NTF3: variants seen among roughly 807,000 people sequenced by gnomAD.
NTF3 encodes the protein neurotrophin-3.
NTF3 carries 8 observed loss-of-function variants against 26.3 expected under a neutral mutation model. That is an observed-to-expected ratio of 0.30 (90% CI 0.18 to 0.55). The LOEUF (loss-of-function observed/expected upper bound fraction) is 0.55, where lower values mean the gene tolerates loss of function less well. Among genes scored for constraint, NTF3 ranks in the 20% least tolerant of loss-of-function variants. The pLI is 0.93. For synonymous variants in NTF3, 154 were observed against 145.5 expected (o/e 1.06, Z -0.42); for missense variants, 276 against 352.9 (o/e 0.78, Z 1.75).
chr12:5,445,721 G>A lies in NTF3; in HGVS notation c.18+13379G>A, dbSNP rs114774983. Among the ~76,000 whole-genome samples the A allele has an allele frequency of 2.8e-3, 419 of 152,338 alleles. 1 individual carries two copies. Among genetic ancestry groups the A allele is most frequent in the African/African-American group, 9.6e-3 (401 of 41,574 alleles). ...CGAGGTGAATGCAATGTGCAGCCAC[G>A]TTGAGAACCACTAGCTGACACTGCT... On this transcript the variant is annotated intron_variant, in intron 1 of 1. Transcript: ENST00000423158.
chr12:5,484,755 C>T (rs886669137), intron 1 of NTF3, among the ~76,000 whole-genome samples: 17 of 152,068 alleles, frequency 1.1e-4, no homozygotes, highest in African/African-American at 3.6e-4. Context: ...GCGTTGCATG[C>T]GTGGGGGATT....
chr12:5,458,904 C>T (rs1940488284), intron 1 of NTF3, among the ~76,000 whole-genome samples: 1 of 152,182 alleles, frequency 6.6e-6, no homozygotes, highest in African/African-American at 2.4e-5. Context: ...CACTGACAGA[C>T]AACCTTGCTC....
chr12:5,473,507 C>T (rs1490292977), intron 1 of NTF3, among the ~76,000 whole-genome samples: 1 of 152,204 alleles, frequency 6.6e-6, no homozygotes, highest in Non-Finnish European at 1.5e-5. Context: ...CTTTTATTTG[C>T]AGGTTCTCCA....
At chr12:5,440,948 A>G (rs989059911) in intron 1 of NTF3, among the ~76,000 whole-genome samples, 8 of 152,266 alleles carry the variant, frequency 5.3e-5, no homozygotes, top group Non-Finnish European at 8.8e-5. Context: ...GTCATTGAAC[A>G]TACGGATGAG....
At chr12:5,487,057 C>A (rs1940875470) in intron 1 of NTF3, among the ~76,000 whole-genome samples, 1 of 152,180 alleles carries the variant, frequency 6.6e-6, no homozygotes, top group Non-Finnish European at 1.5e-5. Flanking sequence ...TCTGCAGATC[C>A]TTCCTAGTCC....
In NTF3 at chr12:5,437,099, A is replaced by G. The variant is rs577026359; in HGVS notation, c.18+4757A>G. ...GTGCCCAGTGCAGCAAGTTGGGTAC[A>G]GCCACTTTCCCCAGAGATGAAGATG... On this transcript the variant is annotated intron_variant, in intron 1 of 1. Coordinates refer to ENST00000423158, the MANE Select transcript of NTF3 (RefSeq NM_001102654.2). 9.8e-5 allele frequency among the ~76,000 whole-genome samples: 15 copies of G among 152,332 alleles called. No individual in the cohort carries two copies. The East Asian group carries it at 2.5e-3, about 25-fold the overall frequency.
At chr12:5,490,077 G>C (rs1940916190) in intron 1 of NTF3, among the ~76,000 whole-genome samples, 2 of 152,184 alleles carry the variant, frequency 1.3e-5, no homozygotes, top group South Asian at 4.1e-4. Flanking sequence ...AGTGTAGAAA[G>C]GGGGTTCACT....
upstream of NTF3, among the ~76,000 whole-genome samples, chr12:5,431,961 C>CGG (rs376881723): frequency 4.8e-4 from 60 of 126,082 alleles, no homozygotes; most frequent in Admixed American, 2.3e-3. Flanking sequence ...GAAGTGAGGG[C>CGG]GGGGGGGGGG....
At chr12:5,491,297 G>T (rs935993246) in intron 1 of NTF3, among the ~76,000 whole-genome samples, 1 of 152,168 alleles carries the variant, frequency 6.6e-6, no homozygotes, top group Non-Finnish European at 1.5e-5. Context: ...GCTAGAAGTC[G>T]ATTATTAAAA....
chr12:5,442,885 C>T (rs545465320), intron 1 of NTF3, among the ~76,000 whole-genome samples: 2 of 152,288 alleles, frequency 1.3e-5, no homozygotes, highest in East Asian at 3.9e-4. Context: ...AAGGCCTTAC[C>T]TTCAACAGCC....
chr12:5,445,300 A>ATGTGTGTGTG (rs55994341), intron 1 of NTF3, among the ~76,000 whole-genome samples: 77 of 60,912 alleles, frequency 1.3e-3, no homozygotes, highest in African/African-American at 3.1e-3. Context: ...GTGTGTGTGT[A>ATGTGTGTGTG]TGTGTGTGTG....
intron 1 of NTF3, among the ~76,000 whole-genome samples, chr12:5,460,994 T>C (rs772333452): frequency 9.9e-5 from 15 of 152,238 alleles, no homozygotes; most frequent in Non-Finnish European, 1.9e-4. Flanking sequence ...TTTTTCCATC[T>C]GGGCCTTTTA....
chr12:5,432,042 AG>A (rs1446304601), upstream of NTF3: 1 of 291,398 alleles, frequency 3.4e-6, no homozygotes, highest in Non-Finnish European at 6.6e-6. Context: ...GAAGGGGTTA[AG>A]GCGCTGAGCG....
chr12:5,448,227 T>C (rs778459429), intron 1 of NTF3, among the ~76,000 whole-genome samples: 6 of 152,238 alleles, frequency 3.9e-5, no homozygotes, highest in Non-Finnish European at 7.3e-5. Flanking sequence ...GAAACATCCA[T>C]AGTCCCATTT....
intron 1 of NTF3, among the ~76,000 whole-genome samples, chr12:5,459,143 T>A (rs1940493435): frequency 6.6e-6 from 1 of 152,178 alleles, no homozygotes; most frequent in African/African-American, 2.4e-5. Flanking sequence ...CTCCCAAAGG[T>A]AATGCCTGGT....
In NTF3 at chr12:5,456,644, C is replaced by T. The variant is rs931679117; in HGVS notation, c.18+24302C>T. On this transcript the variant is annotated intron_variant, in intron 1 of 1. Transcript: ENST00000423158. This position sits in a 1 kb window ranked among gnomAD's most constrained non-coding sequence, Gnocchi z 4.4. ...ACCCCCAGCCCCTGGAGCAGGTACTCGGGGTCAGAGCTCTGCTGAGGGTCT... is the reference window on the plus strand; with the variant it reads ...ACCCCCAGCCCCTGGAGCAGGTACTTGGGGTCAGAGCTCTGCTGAGGGTCT... 2.6e-5 allele frequency among the ~76,000 whole-genome samples: 4 copies of T among 152,010 alleles called. No individual in the cohort carries two copies. The highest frequency in any genetic ancestry group is 4.8e-5 in the African/African-American group (2 of 41,392).
intron 1 of NTF3, among the ~76,000 whole-genome samples, chr12:5,461,464 C>CTCCATGTT (rs1196870990): frequency 1.3e-5 from 2 of 152,130 alleles, no homozygotes; most frequent in Non-Finnish European, 2.9e-5. Flanking sequence ...GTTGGTCATT[C>CTCCATGTT]TCCATGTTCT....
rs749388536 is a variant in NTF3, at chr12:5,494,946, G to A, written c.771G>A (p.Thr257=). 1.9e-6 allele frequency: 3 copies of A among 1,614,122 alleles called. No homozygotes were observed. Among genetic ancestry groups the A allele is most frequent in the East Asian group, 2.2e-5 (1 of 44,884 alleles). The change falls in exon 2 of 2, where the codon ACG becomes ACA. Residue 257 remains threonine, a synonymous_variant. Transcript: ENST00000423158. This position sits in a 1 kb window ranked among gnomAD's most constrained non-coding sequence, Gnocchi z 8.3. ...LVGWRWIRID[T]SCVCALSRKI... The stretch of plus-strand genomic sequence containing the variant: ...GCTGGCGGTGGATACGGATAGACAC[G>A]TCCTGTGTGTGTGCCTTGTCGAGAA...
intron 1 of NTF3, among the ~76,000 whole-genome samples, chr12:5,442,017 C>T (rs954952174): frequency 7.2e-5 from 11 of 152,164 alleles, no homozygotes; most frequent in Admixed American, 4.6e-4. Context: ...TCAAAACACA[C>T]GTGTACAGAT....
Sources: gnomAD v4.1 joint callset for allele counts (sites outside exome capture counted in the v4.1 genomes callset) on GRCh38, gnomAD v4.1.1 for gene constraint, Gnocchi (gnomAD v3.1) non-coding constraint, MANE v1.5 for transcripts, NCBI Gene and HGNC (gene_info 2026-07-23, HGNC 2026-07-21) for gene names.